Variants in TMEM39B observed in about 807,000 individuals in gnomAD.
The protein encoded by TMEM39B is transmembrane protein 39B.
TMEM39B carries 23 observed loss-of-function variants against 52.2 expected under a neutral mutation model. The observed-to-expected ratio is 0.44, with a 90% CI of 0.32 to 0.62. The LOEUF is 0.62. Ranked by LOEUF, TMEM39B falls within the 20% of genes least tolerant of loss-of-function variation. The pLI is 0.06. For synonymous variants in TMEM39B, 285 were observed against 264.0 expected, an observed-to-expected ratio of 1.08 and a Z score of -0.77; for missense variants, 547 against 642.0, an observed-to-expected ratio of 0.85 and a Z score of 1.60.
chr1:32,081,182 G>T (rs906576901), intron 5 of TMEM39B, among the ~76,000 whole-genome samples: 4 of 150,722 alleles, frequency 2.7e-5, no homozygotes, highest in African/African-American at 9.7e-5. Flanking sequence ...TACTTTCTGG[G>T]TTTTTTTATT....
chr1:32,085,293 C>A (rs1640293983), intron 5 of TMEM39B, among the ~76,000 whole-genome samples: 1 of 141,956 alleles, frequency 7.0e-6, no homozygotes, highest in African/African-American at 3.0e-5. Context: ...AATATTTAAT[C>A]TCTCTCTCTC....
chr1:32,091,569 G>A, intron 5 of TMEM39B, 106 bp from the exon 6 acceptor site: 1 of 1,311,526 alleles, frequency 7.6e-7, no homozygotes, highest in Non-Finnish European at 1.0e-6. Flanking sequence ...CCTCTGGGCA[G>A]CCAGGAGAGC....
intron 5 of TMEM39B, among the ~76,000 whole-genome samples, chr1:32,083,791 C>G (rs1410104658): frequency 6.6e-6 from 1 of 152,076 alleles, no homozygotes; most frequent in Non-Finnish European, 1.5e-5. Flanking sequence ...ATCGCTTGAA[C>G]CCAGGAGGCA....
At chr1:32,100,979 C>T (rs1288559881) in intron 8 of TMEM39B, among the ~76,000 whole-genome samples, 1 of 151,998 alleles carries the variant, frequency 6.6e-6, no homozygotes, top group African/African-American at 2.4e-5. Flanking sequence ...TGCAGTGAGC[C>T]GAGATCATGC....
intron 7 of TMEM39B, chr1:32,095,670 C>T (rs1230645316): frequency 6.6e-6 from 1 of 152,666 alleles, no homozygotes; most frequent in East Asian, 1.9e-4. Context: ...ACTGGAAGCT[C>T]CTCAAGGCCA....
At chr1:32,092,433 C>T (rs1640645175) in intron 6 of TMEM39B, among the ~76,000 whole-genome samples, 1 of 152,148 alleles carries the variant, frequency 6.6e-6, no homozygotes, top group Non-Finnish European at 1.5e-5. Context: ...GTTGGGATTA[C>T]AAGCGTGAGC....
At chr1:32,091,268 G>A (rs1640590771) in intron 5 of TMEM39B, among the ~76,000 whole-genome samples, 1 of 152,178 alleles carries the variant, frequency 6.6e-6, no homozygotes, top group South Asian at 2.1e-4. Context: ...GCTGAAAAGG[G>A]GACAAAATAA....
chr1:32,096,563 G>A (rs1018616006), intron 7 of TMEM39B, among the ~76,000 whole-genome samples: 3 of 148,196 alleles, frequency 2.0e-5, no homozygotes, highest in South Asian at 2.2e-4. Context: ...GGATTCAAGC[G>A]ATTCTCCTGC....
intron 3 of TMEM39B, 35 bp downstream of exon 3, chr1:32,075,857 T>TGC (rs1639834049): frequency 7.9e-7 from 1 of 1,270,990 alleles, no homozygotes; most frequent in South Asian, 1.5e-5. Flanking sequence ...TGTGTGTGTG[T>TGC]GTGTGTGCGT....
intron 7 of TMEM39B, among the ~76,000 whole-genome samples, chr1:32,098,853 C>A (rs1410092071): frequency 6.6e-6 from 1 of 152,222 alleles, no homozygotes; most frequent in African/African-American, 2.4e-5. Context: ...TAGATCCTCC[C>A]GCTCAAGGGC....
intron 6 of TMEM39B, 63 bp from the exon 7 acceptor site, chr1:32,094,721 G>A: frequency 6.3e-7 from 1 of 1,574,864 alleles, no homozygotes; most frequent in Non-Finnish European, 8.7e-7. Context: ...TAGAATCAGG[G>A]AAGGAAAGGG....
At chr1:32,093,395 G>A (rs1435212299) in intron 6 of TMEM39B, among the ~76,000 whole-genome samples, 3 of 129,876 alleles carry the variant, frequency 2.3e-5, no homozygotes, top group African/African-American at 5.7e-5. Flanking sequence ...CACCAAGCCC[G>A]GCCCTTTTTT....
intron 8 of TMEM39B, among the ~76,000 whole-genome samples, chr1:32,101,274 A>G (rs549608025): frequency 9.2e-5 from 14 of 152,164 alleles, no homozygotes; most frequent in Non-Finnish European, 1.9e-4. Flanking sequence ...TAGATACTGA[A>G]ATCAGCTAAG....
chr1:32,096,848 A>G (rs1283825855), intron 7 of TMEM39B, among the ~76,000 whole-genome samples: 2 of 151,210 alleles, frequency 1.3e-5, no homozygotes, highest in Non-Finnish European at 2.9e-5. Context: ...TCTGTCTCCC[A>G]GGCTGGAGTG....
chr1:32,079,956 A>T (rs1640025925), intron 5 of TMEM39B, among the ~76,000 whole-genome samples: 1 of 151,826 alleles, frequency 6.6e-6, no homozygotes, highest in East Asian at 2.0e-4. Context: ...TCTAGTAGAG[A>T]TGGGGTTTCT....
chr1:32,077,111 C>T, intron 4 of TMEM39B, 53 bp from the exon 5 acceptor site: 1 of 1,601,494 alleles, frequency 6.2e-7, no homozygotes, highest in South Asian at 1.1e-5. Context: ...TTGGGCACAG[C>T]CCCTTCGGCC....
chr1:32,091,858 C>T lies in TMEM39B; in HGVS notation c.774C>T (p.Ala258=), dbSNP rs372378592. ...QHTRQLYGPD[A]MPTHACCLSP... ...CAAGACAGCTGTATGGCCCGGACGC[C>T]ATGCCCACCCATGCCTGCTGCCTGT... Residue 258 remains alanine (A), a synonymous_variant, in exon 6 of 9, where the codon GCC becomes GCT. Coordinates refer to ENST00000336294, the MANE Select transcript of TMEM39B (RefSeq NM_018056.4). 7.2e-5 allele frequency: 116 copies of T among 1,614,226 alleles called. No individual in the cohort carries two copies. The highest frequency in any genetic ancestry group is 9.2e-5 in the Non-Finnish European group (108 of 1,180,046).
chr1:32,073,660 C>T (rs1639734859), intron 1 of TMEM39B: 3 of 985,660 alleles, frequency 3.0e-6, no homozygotes, highest in South Asian at 4.6e-5. Context: ...TTTTCTAAGC[C>T]AAGTATAACA....
At chr1:32,094,448 G>A (rs1640736897) in intron 6 of TMEM39B, among the ~76,000 whole-genome samples, 2 of 152,060 alleles carry the variant, frequency 1.3e-5, no homozygotes, top group Non-Finnish European at 2.9e-5. Context: ...ATCCTCATTT[G>A]ACAGATGAGG....
Sources: gnomAD v4.1 joint callset for allele counts (sites outside exome capture counted in the v4.1 genomes callset) on GRCh38, gnomAD v4.1.1 for gene constraint, MANE v1.5 for transcripts, NCBI Gene and HGNC (gene_info 2026-07-23, HGNC 2026-07-21) for gene names.